The following TMC1 variants were observed in gnomAD, a reference collection of about 807,000 sequenced individuals.
The protein encoded by TMC1 is transmembrane channel like 1.
TMC1 carries 84 observed loss-of-function variants against 105.8 expected under a neutral mutation model. The ratio of observed to expected loss-of-function variants is 0.79; its 90% confidence interval spans 0.67 to 0.95. The LOEUF is 0.95. TMC1 is among the 40% of genes least tolerant of loss of function. TMC1 has a pLI of 0.00. For missense variants in TMC1, 817 were observed against 914.1 expected, an observed-to-expected ratio of 0.89 and a Z score of 1.37; for synonymous variants, 315 against 311.5, an observed-to-expected ratio of 1.01 and a Z score of -0.12.
intron 17 of TMC1, among the ~76,000 whole-genome samples, chr9:72,794,065 C>G (rs1828322255): frequency 6.6e-6 from 1 of 152,140 alleles, no homozygotes; most frequent in South Asian, 2.1e-4. Context: ...CTGTCTCTCA[C>G]AGGTCCTACC....
intron 5 of TMC1, among the ~76,000 whole-genome samples, chr9:72,659,505 G>C (rs559085222): frequency 6.6e-6 from 1 of 152,270 alleles, no homozygotes; most frequent in Non-Finnish European, 1.5e-5. Context: ...GTGGTGGCAT[G>C]TGCCTGTAGT....
chr9:72,771,763 GGGAGTTATTCA>G (rs1283582613), intron 12 of TMC1, among the ~76,000 whole-genome samples: 6 of 152,184 alleles, frequency 3.9e-5, no homozygotes, highest in Non-Finnish European at 7.3e-5. Context: ...AGAATAAAGA[GGGAGTTATTCA>G]GGTGGCTTTG....
chr9:72,815,302 A>C (rs1349190096), intron 18 of TMC1, among the ~76,000 whole-genome samples: 1 of 152,096 alleles, frequency 6.6e-6, no homozygotes. Flanking sequence ...TCCTCTGTAC[A>C]AAAAACAGCC....
intron 14 of TMC1, 62 bp downstream of exon 14, chr9:72,788,545 C>G (rs1469996544): frequency 1.9e-6 from 3 of 1,541,432 alleles, no homozygotes; most frequent in African/African-American, 2.7e-5. Flanking sequence ...TGGAGGCATT[C>G]CATCTGGTCC....
chr9:72,542,706 G>A (rs145689027), intron 1 of TMC1, among the ~76,000 whole-genome samples: 2 of 151,524 alleles, frequency 1.3e-5, no homozygotes, highest in East Asian at 4.0e-4. Flanking sequence ...TTGAGACAGA[G>A]TCTCATTCTA....
At chr9:72,652,263 G>A (rs1362465232) in intron 5 of TMC1, among the ~76,000 whole-genome samples, 1 of 152,126 alleles carries the variant, frequency 6.6e-6, no homozygotes, top group Non-Finnish European at 1.5e-5. Flanking sequence ...GGTTTGTTTG[G>A]GATATGGCTT....
intron 1 of TMC1, among the ~76,000 whole-genome samples, chr9:72,522,125 T>C (rs947942967): frequency 6.6e-6 from 1 of 151,794 alleles, no homozygotes; most frequent in Admixed American, 6.6e-5. Flanking sequence ...TTTCTTGCAG[T>C]GCACAGCATG....
intron 1 of TMC1, among the ~76,000 whole-genome samples, chr9:72,525,525 A>G (rs1823391234): frequency 6.6e-6 from 1 of 152,232 alleles, no homozygotes; most frequent in Admixed American, 6.5e-5. Flanking sequence ...TTATTACTCA[A>G]TATTCCACCC....
chr9:72,529,943 C>T (rs1823471113), intron 1 of TMC1, among the ~76,000 whole-genome samples: 1 of 152,002 alleles, frequency 6.6e-6, no homozygotes. Flanking sequence ...TAAAAGACAC[C>T]CTCCCCCTCT....
At chr9:72,705,669 A>C (rs1216648964) in intron 8 of TMC1, among the ~76,000 whole-genome samples, 2 of 152,252 alleles carry the variant, frequency 1.3e-5, no homozygotes, top group Non-Finnish European at 2.9e-5. Flanking sequence ...TGGATATTTA[A>C]AGAAACTTAT....
intron 23 of TMC1, among the ~76,000 whole-genome samples, chr9:72,834,283 G>T (rs1290530834): frequency 1.3e-5 from 2 of 151,846 alleles, no homozygotes; most frequent in East Asian, 3.9e-4. Flanking sequence ...AACTCTTTTT[G>T]ATGTTTCTTT....
chr9:72,775,113 G>A (rs1827986547), intron 13 of TMC1, among the ~76,000 whole-genome samples: 1 of 152,150 alleles, frequency 6.6e-6, no homozygotes. Flanking sequence ...GACTAACTTT[G>A]TTGGCCCAGG....
chr9:72,562,960 G>A (rs1226450214), intron 1 of TMC1, among the ~76,000 whole-genome samples: 4 of 152,016 alleles, frequency 2.6e-5, no homozygotes, highest in Admixed American at 6.6e-5. Flanking sequence ...ACAAGACTCC[G>A]TCTCAAATAA....
At chr9:72,652,259 T>C (rs1263110287) in intron 5 of TMC1, among the ~76,000 whole-genome samples, 2 of 152,194 alleles carry the variant, frequency 1.3e-5, no homozygotes, top group Non-Finnish European at 2.9e-5. Context: ...AAGAGGTTTG[T>C]TTGGGATATG....
chr9:72,538,394 C>CTTGTATTGTA (rs71357577), intron 1 of TMC1, among the ~76,000 whole-genome samples: 18,966 of 143,744 alleles, frequency 0.13, 1,647 homozygotes, highest in African/African-American at 0.22. Flanking sequence ...GGATAAAATA[C>CTTGTATTGTA]TTGTATTGTA....
chr9:72,574,266 G>T (rs1824337316), intron 1 of TMC1, among the ~76,000 whole-genome samples: 1 of 152,184 alleles, frequency 6.6e-6, no homozygotes, highest in Non-Finnish European at 1.5e-5. Flanking sequence ...TGTGAACAGG[G>T]TCTCCTCCAG....
chr9:72,781,535 A>C (rs1186468710), intron 13 of TMC1, among the ~76,000 whole-genome samples: 1 of 152,068 alleles, frequency 6.6e-6, no homozygotes, highest in African/African-American at 2.4e-5. Context: ...AGAGTTGTCT[A>C]TTTGAAAGTA....
At chr9:72,640,919 C>T (rs1233509058) in intron 4 of TMC1, among the ~76,000 whole-genome samples, 8 of 152,010 alleles carry the variant, frequency 5.3e-5, no homozygotes, top group Non-Finnish European at 1.0e-4. Flanking sequence ...GTGTGAGCCA[C>T]GGTGCCTGGC....
intron 8 of TMC1, among the ~76,000 whole-genome samples, chr9:72,706,231 C>G (rs1487866587): frequency 6.6e-6 from 1 of 152,176 alleles, no homozygotes; most frequent in Non-Finnish European, 1.5e-5. Context: ...TTTCTTGTAG[C>G]TTAAGATTTT....
Sources: gnomAD v4.1 joint callset for allele counts (sites outside exome capture counted in the v4.1 genomes callset) on GRCh38, gnomAD v4.1.1 for gene constraint, MANE v1.5 for transcripts, NCBI Gene and HGNC (gene_info 2026-07-23, HGNC 2026-07-21) for gene names.